Variants in KIN observed in about 807,000 individuals in gnomAD.
The protein encoded by KIN is Kin17 DNA and RNA binding protein.
In KIN, 47 loss-of-function variants were observed where a neutral mutation model predicts 63.0. The ratio of observed to expected loss-of-function variants is 0.75; its 90% CI spans 0.59 to 0.95. The LOEUF (loss-of-function observed/expected upper bound fraction) is 0.95. Among genes scored for constraint, KIN ranks in the 40% least tolerant of loss-of-function variants. The probability of loss-of-function intolerance (pLI) is 0.00; values close to 1 mark genes in which losing one functional copy is unlikely to be tolerated. For missense variants in KIN, 408 were observed against 460.9 expected, an observed-to-expected ratio of 0.89 and a Z score of 1.05; for synonymous variants, 160 against 157.7, an observed-to-expected ratio of 1.01 and a Z score of -0.11.
chr10:7,783,897 T>C (rs1178988382), intron 1 of KIN, among the ~76,000 whole-genome samples: 1 of 152,156 alleles, frequency 6.6e-6, no homozygotes, highest in Admixed American at 6.6e-5. Context: ...AGCTTCTTAA[T>C]AACCCATATT....
intron 9 of KIN, among the ~76,000 whole-genome samples, chr10:7,764,342 C>T (rs568944537): frequency 6.6e-6 from 1 of 152,268 alleles, no homozygotes; most frequent in East Asian, 1.9e-4. Flanking sequence ...TTCTTCTGAC[C>T]ATCTAATTCT....
At chr10:7,777,053 CAAAA>C (rs60757813) in intron 5 of KIN, among the ~76,000 whole-genome samples, 134 of 80,732 alleles carry the variant, frequency 1.7e-3, no homozygotes, top group African/African-American at 6.1e-3. Flanking sequence ...GACAGTCTCT[CAAAA>C]AAAAAAAAAA....
Position 7,763,119 on chromosome 10 carries a change from G to A in KIN, c.919-563C>T, listed in dbSNP as rs74780261. On this transcript the variant is annotated intron_variant, in intron 10 of 12. Transcript: ENST00000379562. ...AAAAATATAAAAGTTAGCCAGGTGC[G>A]GTGGTGGCCACCTGTAATCCCAGCT... Among the ~76,000 whole-genome samples, 1,123 of 151,970 alleles carry A rather than the reference G, an allele frequency of 7.4e-3. 9 individuals carry two copies. The highest frequency in any genetic ancestry group is 0.025 in the African/African-American group (1,025 of 41,430).
At chr10:7,760,449 C>G (rs1054312279) in intron 11 of KIN, among the ~76,000 whole-genome samples, 1 of 152,144 alleles carries the variant, frequency 6.6e-6, no homozygotes, top group Non-Finnish European at 1.5e-5. Context: ...AAGCTTTGTA[C>G]GTATATGTTC....
rs181188840 is a variant in KIN, at chr10:7,783,237, A to C, written c.115-62T>G. 547 of 859,592 alleles carry C rather than the reference A, an allele frequency of 6.4e-4. 1 individual carries two copies. The African/African-American group carries it at 8.7e-3, about 14-fold the overall frequency. 53.2% of individuals were successfully genotyped at this position (859,592 alleles called of 1,614,324 possible). On this transcript the variant is annotated intron_variant, in intron 1 of 12. Transcript: ENST00000379562. ...GTCATCAAAATGGGCTCTAAATAGA[A>C]GTATTTAGTTAAAACCCAAAAAATC...
At chr10:7,772,601 A>T (rs1835688691) in intron 7 of KIN, among the ~76,000 whole-genome samples, 1 of 152,250 alleles carries the variant, frequency 6.6e-6, no homozygotes, top group South Asian at 2.1e-4. Context: ...ATAAATGCAC[A>T]GGAGAATGAA....
At chr10:7,777,711 A>T (rs1835807224) in intron 5 of KIN, among the ~76,000 whole-genome samples, 1 of 152,170 alleles carries the variant, frequency 6.6e-6, no homozygotes, top group African/African-American at 2.4e-5. Flanking sequence ...CAACCTGGCC[A>T]ACATGGTGAA....
intron 7 of KIN, among the ~76,000 whole-genome samples, chr10:7,773,359 A>G (rs1353575702): frequency 1.3e-5 from 2 of 152,226 alleles, no homozygotes; most frequent in Non-Finnish European, 1.5e-5. Flanking sequence ...GAACACTGGA[A>G]CCAATTTTAA....
intron 8 of KIN, among the ~76,000 whole-genome samples, chr10:7,767,022 C>CAA (rs377478697): frequency 1.8e-4 from 22 of 121,126 alleles, no homozygotes; most frequent in African/African-American, 3.1e-4. Context: ...CACTCCATCT[C>CAA]AAAAAAAAAA....
chr10:7,776,747 AG>A (rs71515485), intron 5 of KIN, among the ~76,000 whole-genome samples: 43,161 of 131,154 alleles, frequency 0.33, 7,635 homozygotes, highest in South Asian at 0.48. Flanking sequence ...AAAAAAAAAA[AG>A]AAAAGAAATT....
chr10:7,775,453 T>C (rs1835750957), intron 6 of KIN, among the ~76,000 whole-genome samples: 1 of 152,022 alleles, frequency 6.6e-6, no homozygotes, highest in Non-Finnish European at 1.5e-5. Context: ...ACGGCTGGAG[T>C]GTTGGCAGCT....
intron 8 of KIN, among the ~76,000 whole-genome samples, chr10:7,768,047 G>A (rs1289574159): frequency 6.6e-6 from 1 of 152,022 alleles, no homozygotes; most frequent in Non-Finnish European, 1.5e-5. Flanking sequence ...CATTGATAAG[G>A]TAGGCTATGT....
chr10:7,756,442 T>C (rs1015690461), intron 12 of KIN, among the ~76,000 whole-genome samples: 1 of 152,220 alleles, frequency 6.6e-6, no homozygotes, highest in Non-Finnish European at 1.5e-5. Flanking sequence ...CCTGGCTCCC[T>C]TGTGGTTAGC....
At chr10:7,762,229 A>C (rs1378566646) in intron 11 of KIN, among the ~76,000 whole-genome samples, 1 of 152,138 alleles carries the variant, frequency 6.6e-6, no homozygotes, top group African/African-American at 2.4e-5. Flanking sequence ...GAAAAAAAAA[A>C]AAAAGTATTC....
chr10:7,776,255 T>C (rs892211574), intron 5 of KIN, among the ~76,000 whole-genome samples: 1 of 148,142 alleles, frequency 6.8e-6, no homozygotes, highest in Non-Finnish European at 1.5e-5. Flanking sequence ...AAATTACATA[T>C]TTTGGCCCAG....
intron 10 of KIN, among the ~76,000 whole-genome samples, chr10:7,762,881 C>A (rs532680049): frequency 6.6e-6 from 1 of 152,222 alleles, no homozygotes; most frequent in South Asian, 2.1e-4. Flanking sequence ...TAGGCATGCA[C>A]AAGGCTGGGT....
chr10:7,778,853 C>T lies in KIN; in HGVS notation c.543G>A (p.Leu181=). The change falls in exon 5 of 13, where the codon CTG becomes CTA. Residue 181 remains leucine (L), a synonymous_variant. Coordinates refer to ENST00000379562, the MANE Select transcript of KIN (RefSeq NM_012311.4). ...KFIEEQVRRG[L]EGKEQEVPTF... is the part of the protein sequence containing the mutation. ...GCTTACCCACCTGTTCCTTCCCTTC[C>T]AGGCCTCTTCTCACTTGCTCTTCAA... 1 of 1,613,902 alleles carries T rather than the reference C, an allele frequency of 6.2e-7. No individual in the cohort carries two copies.
chr10:7,777,892 C>T (rs1360462613), intron 5 of KIN, among the ~76,000 whole-genome samples: 1 of 141,556 alleles, frequency 7.1e-6, no homozygotes, highest in Non-Finnish European at 1.5e-5. Context: ...GAGTGAGACT[C>T]CGTCCCCCCC....
intron 1 of KIN, 84 bp downstream of exon 1, chr10:7,787,736 G>T: frequency 1.9e-6 from 2 of 1,074,518 alleles, no homozygotes; most frequent in Non-Finnish European, 2.9e-6. Context: ...CCCCAGCCCC[G>T]CGCCCTCAGC....
Sources: gnomAD v4.1 joint callset for allele counts (sites outside exome capture counted in the v4.1 genomes callset) on GRCh38, gnomAD v4.1.1 for gene constraint, MANE v1.5 for transcripts, NCBI Gene and HGNC (gene_info 2026-07-23, HGNC 2026-07-21) for gene names.